MRPS6: variants seen among roughly 807,000 people sequenced by gnomAD.
MRPS6 encodes the protein small ribosomal subunit protein bS6m.
A neutral mutation model predicts 13.1 loss-of-function variants in MRPS6; 6 were observed. The observed-to-expected ratio is 0.46, with a 90% CI of 0.25 to 0.91. The LOEUF is 0.91. MRPS6 is among the 40% of genes least tolerant of loss of function. The probability of loss-of-function intolerance (pLI) is 0.18; values close to 1 mark genes in which losing one functional copy is unlikely to be tolerated. For synonymous variants in MRPS6, 61 were observed against 56.5 expected (o/e 1.08, Z -0.36); for missense variants, 164 against 155.6 (o/e 1.05, Z -0.29).
At chr21:34,098,392 A>G (rs534371435) in intron 1 of MRPS6, 1 of 1,000,304 alleles carries the variant, frequency 1.0e-6, no homozygotes, top group African/African-American at 1.7e-5. Context: ...ATCATGATAT[A>G]TCAAGGTTGA....
intron 1 of MRPS6, chr21:34,124,366 T>C (rs1250077289): frequency 1.3e-5 from 2 of 152,218 alleles, no homozygotes; most frequent in African/African-American, 4.8e-5. Flanking sequence ...CTTATCCTTA[T>C]AAAGTATCTT....
intron 1 of MRPS6, among the ~76,000 whole-genome samples, chr21:34,110,652 AAC>A (rs1224857831): frequency 3.3e-5 from 5 of 152,178 alleles, no homozygotes; most frequent in Non-Finnish European, 5.9e-5. Flanking sequence ...ATTTACCTCA[AAC>A]ACTGCATGAG....
At chr21:34,117,503 GTCTGTCTTCCTA>G (rs1185557592) in intron 1 of MRPS6, among the ~76,000 whole-genome samples, 1 of 152,126 alleles carries the variant, frequency 6.6e-6, no homozygotes, top group East Asian at 1.9e-4. Context: ...ACTTACAAGT[GTCTGTCTTCCTA>G]TCTGTATCGC....
intron 2 of MRPS6, among the ~76,000 whole-genome samples, chr21:34,139,660 G>A (rs1201922588): frequency 1.3e-5 from 2 of 151,986 alleles, no homozygotes; most frequent in East Asian, 1.9e-4. Flanking sequence ...TCACTGCAGC[G>A]TGGACCTCCT....
intron 1 of MRPS6, chr21:34,095,865 G>C: frequency 6.2e-7 from 1 of 1,614,036 alleles, no homozygotes; most frequent in East Asian, 2.2e-5. Context: ...GGCCTCACCC[G>C]ATGTCACTTC....
chr21:34,133,268 T>G (rs1980568429), intron 2 of MRPS6, among the ~76,000 whole-genome samples: 1 of 152,238 alleles, frequency 6.6e-6, no homozygotes, highest in Admixed American at 6.5e-5. Flanking sequence ...TTTTTACCCT[T>G]ATCACATCAT....
At chr21:34,120,035 A>G (rs188225955) in intron 1 of MRPS6, among the ~76,000 whole-genome samples, 4 of 152,332 alleles carry the variant, frequency 2.6e-5, no homozygotes, top group Admixed American at 2.0e-4. Context: ...TTAGAAGATC[A>G]TTGTGAAAAC....
At chr21:34,079,602 A>ATTTTTTTTTTT (rs398036389) in intron 1 of MRPS6, among the ~76,000 whole-genome samples, 1 of 43,660 alleles carries the variant, frequency 2.3e-5, no homozygotes, top group African/African-American at 8.5e-5. Context: ...GACCCAGCTA[A>ATTTTTTTTTTT]TTTTTTTTTT....
intron 2 of MRPS6, among the ~76,000 whole-genome samples, chr21:34,132,064 A>G (rs1053288858): frequency 1.3e-5 from 2 of 152,268 alleles, no homozygotes; most frequent in African/African-American, 4.8e-5. Context: ...TGGGAAAACC[A>G]TAATGGACCA....
At chr21:34,112,128 A>G (rs925987997) in intron 1 of MRPS6, among the ~76,000 whole-genome samples, 3 of 152,126 alleles carry the variant, frequency 2.0e-5, no homozygotes, top group Non-Finnish European at 4.4e-5. Context: ...TTTAAATTTT[A>G]TGACTCAGTA....
chr21:34,086,604 A>G (rs1978396716), intron 1 of MRPS6, among the ~76,000 whole-genome samples: 1 of 151,748 alleles, frequency 6.6e-6, no homozygotes, highest in Non-Finnish European at 1.5e-5. Context: ...TTCAGAAAGG[A>G]TGTTCATGAA....
chr21:34,137,720 G>C (rs566782332), intron 2 of MRPS6, among the ~76,000 whole-genome samples: 1 of 151,894 alleles, frequency 6.6e-6, no homozygotes, highest in African/African-American at 2.4e-5. Context: ...GTCAGCTGTA[G>C]ATTTTTCAAA....
intron 2 of MRPS6, chr21:34,135,561 G>A: frequency 2.1e-6 from 1 of 471,038 alleles, no homozygotes; most frequent in Non-Finnish European, 4.2e-6. Flanking sequence ...TCTCCCGGAG[G>A]GCACCCTCAA....
At chr21:34,098,377 A>G (rs960198037) in intron 1 of MRPS6, 7 of 1,000,144 alleles carry the variant, frequency 7.0e-6, no homozygotes, top group Non-Finnish European at 8.4e-6. Flanking sequence ...GCTCTACTTG[A>G]TTAGATCATG....
At chr21:34,106,281 T>G (rs1370155435) in intron 1 of MRPS6, 1 of 591,478 alleles carries the variant, frequency 1.7e-6, no homozygotes. Flanking sequence ...ACTAAGTATT[T>G]TCAGTATGAA....
At chr21:34,140,733 C>T (rs1024097634) in intron 2 of MRPS6, among the ~76,000 whole-genome samples, 6 of 152,062 alleles carry the variant, frequency 3.9e-5, no homozygotes, top group South Asian at 2.1e-4. Context: ...TGTTGAAGCT[C>T]GGTTATCTGG....
At position 34,100,641 on chromosome 21, in the gene MRPS6, T is replaced by C. The variant is rs1979194495; in HGVS notation, c.46-24700T>C. Reference sequence around the variant, plus strand: ...AAATTAGCTGGGACCCATCACTCTGTGAAACTTCACATTTTAAGAACTGAG... The same window carrying C: ...AAATTAGCTGGGACCCATCACTCTGCGAAACTTCACATTTTAAGAACTGAG... On this transcript the variant is annotated intron_variant, in intron 1 of 2. Coordinates refer to ENST00000399312, the MANE Select transcript of MRPS6 (RefSeq NM_032476.4). 9.0e-6 allele frequency: 9 copies of C among 1,000,098 alleles called. No homozygotes were observed. In the South Asian group the frequency reaches 4.2e-4, roughly 47 times the overall value. The allele number at this position is 1,000,098 out of a possible 1,614,324, so 62.0% of individuals were successfully genotyped here.
intron 1 of MRPS6, among the ~76,000 whole-genome samples, chr21:34,120,415 A>G (rs1172862761): frequency 6.6e-6 from 1 of 152,108 alleles, no homozygotes; most frequent in African/African-American, 2.4e-5. Flanking sequence ...TCTAATTTTT[A>G]CCCTTTGATT....
At chr21:34,086,930 G>A (rs1033842074) in intron 1 of MRPS6, among the ~76,000 whole-genome samples, 5 of 152,196 alleles carry the variant, frequency 3.3e-5, no homozygotes, top group African/African-American at 4.8e-5. Flanking sequence ...TCTTTCAGCT[G>A]TGTGGGAACA....
Sources: gnomAD v4.1 joint callset for allele counts (sites outside exome capture counted in the v4.1 genomes callset) on GRCh38, gnomAD v4.1.1 for gene constraint, MANE v1.5 for transcripts, NCBI Gene and HGNC (gene_info 2026-07-23, HGNC 2026-07-21) for gene names.